RYR3: variants seen among roughly 807,000 people sequenced by gnomAD.
RYR3 encodes ryanodine receptor 3.
In RYR3, 207 loss-of-function variants were observed where a neutral mutation model predicts 584.3. That is an observed-to-expected ratio of 0.35 (90% CI 0.32 to 0.40). The LOEUF is 0.40. Among genes scored for constraint, RYR3 ranks in the 10% least tolerant of loss-of-function variants. The pLI is 1.00. For synonymous variants in RYR3, 2,416 were observed against 2,248.5 expected (o/e 1.07, Z -2.11); for missense variants, 5,616 against 6,089.2 (o/e 0.92, Z 2.59).
At chr15:33,506,842 T>C (rs1471069942) in intron 3 of RYR3, among the ~76,000 whole-genome samples, 1 of 152,188 alleles carries the variant, frequency 6.6e-6, no homozygotes, top group Non-Finnish European at 1.5e-5. Context: ...TGGTATTTAA[T>C]TTGATTTTAG....
chr15:33,329,385 A>C (rs1215396410), intron 1 of RYR3, among the ~76,000 whole-genome samples: 2 of 152,234 alleles, frequency 1.3e-5, no homozygotes, highest in Non-Finnish European at 2.9e-5. Flanking sequence ...CAAAAGATGA[A>C]TATAAAAACT....
intron 47 of RYR3, among the ~76,000 whole-genome samples, chr15:33,730,596 T>C (rs1335771673): frequency 6.6e-6 from 1 of 152,192 alleles, no homozygotes; most frequent in Non-Finnish European, 1.5e-5. Flanking sequence ...ATAAGTTATA[T>C]AAAGTGTGTT....
intron 16 of RYR3, among the ~76,000 whole-genome samples, chr15:33,598,842 A>C (rs1174621811): frequency 1.3e-5 from 2 of 152,106 alleles, no homozygotes; most frequent in African/African-American, 4.8e-5. Flanking sequence ...TCACAAGGTC[A>C]GGAGATCGAG....
chr15:33,628,671 C>A, intron 21 of RYR3, 96 bp downstream of exon 21: 1 of 779,104 alleles, frequency 1.3e-6, no homozygotes. Context: ...ATTGCATTCA[C>A]TAGTTAGGAA....
At chr15:33,578,772 A>G (rs61148822) in intron 12 of RYR3, among the ~76,000 whole-genome samples, 16 of 18,296 alleles carry the variant, frequency 8.7e-4, no homozygotes, top group South Asian at 2.2e-3. Context: ...GAATAAAAAA[A>G]AAAAAACAAC....
intron 1 of RYR3, among the ~76,000 whole-genome samples, chr15:33,441,407 T>C (rs1331293099): frequency 6.6e-6 from 1 of 152,240 alleles, no homozygotes; most frequent in African/African-American, 2.4e-5. Flanking sequence ...TTCTGAGTTC[T>C]TTAAATATAT....
intron 18 of RYR3, among the ~76,000 whole-genome samples, chr15:33,607,901 T>C (rs1475550605): frequency 1.3e-5 from 2 of 152,106 alleles, no homozygotes; most frequent in Non-Finnish European, 2.9e-5. Flanking sequence ...TCAAAACTCA[T>C]AGCAGTCTTA....
chr15:33,565,737 C>T (rs1374246121), intron 11 of RYR3, among the ~76,000 whole-genome samples: 1 of 152,126 alleles, frequency 6.6e-6, no homozygotes, highest in Non-Finnish European at 1.5e-5. Context: ...TTGACTTGAA[C>T]CAGGATCAAA....
At chr15:33,663,132 A>G (rs992076290) in intron 35 of RYR3, among the ~76,000 whole-genome samples, 184 bp downstream of exon 35, 2 of 152,204 alleles carry the variant, frequency 1.3e-5, no homozygotes, top group Non-Finnish European at 2.9e-5. Context: ...TAAGATTGGT[A>G]ATAACAATCC....
rs765344937 is a variant in RYR3, at chr15:33,726,421, C to T, written c.6948C>T (p.Ile2316=). ...CAGGAAAGGGGGAAGCCATCCGCATCAGGTCCATCCTGCGCTCCCTGGTCC... is the reference window on the plus strand; with the variant it reads ...CAGGAAAGGGGGAAGCCATCCGCATTAGGTCCATCCTGCGCTCCCTGGTCC... The part of the protein sequence containing the change: ...IQTGKGEAIR[I]RSILRSLVPT... The change falls in exon 46 of 104, where the codon ATC becomes ATT. Residue 2316 remains isoleucine (I), a synonymous_variant. Transcript: ENST00000634891. 1.6e-5 allele frequency: 25 copies of T among 1,612,698 alleles called. No homozygotes were observed. The highest frequency in any genetic ancestry group is 1.6e-4 in the Middle Eastern group (1 of 6,082).
intron 12 of RYR3, among the ~76,000 whole-genome samples, chr15:33,569,303 G>A (rs1355117631): frequency 1.3e-5 from 2 of 151,970 alleles, no homozygotes; most frequent in South Asian, 2.1e-4. Context: ...AAAACTTATC[G>A]TTTTAGCCAT....
chr15:33,467,786 T>A (rs2048604013), intron 1 of RYR3, among the ~76,000 whole-genome samples: 1 of 152,154 alleles, frequency 6.6e-6, no homozygotes, highest in Non-Finnish European at 1.5e-5. Context: ...TGCAGCAAGT[T>A]TTGGGCTGAT....
At chr15:33,527,607 A>T (rs1324079937) in intron 3 of RYR3, among the ~76,000 whole-genome samples, 3 of 149,772 alleles carry the variant, frequency 2.0e-5, no homozygotes, top group Non-Finnish European at 4.4e-5. Flanking sequence ...AAAAAGGCGT[A>T]TCATATTTCA....
rs1890337526 is a variant in RYR3, at chr15:33,865,831, G to C, written c.*605G>C. 2 of 152,622 alleles carry C rather than the reference G, an allele frequency of 1.3e-5. No individual in the cohort carries two copies. The highest frequency in any genetic ancestry group is 2.9e-5 in the Non-Finnish European group (2 of 68,086). 9.5% of individuals were successfully genotyped at this position (152,622 alleles called of 1,614,324 possible). On this transcript the variant is annotated 3_prime_UTR_variant, in exon 104 of 104. Coordinates refer to ENST00000634891, the MANE Select transcript of RYR3 (RefSeq NM_001036.6). ...GTTTTTTATGTTTGTGTTCCAGAAGGACAGTTCCATTCATTAGTTGTGATC... is the reference window on the plus strand; with the variant it reads ...GTTTTTTATGTTTGTGTTCCAGAAGCACAGTTCCATTCATTAGTTGTGATC...
At chr15:33,817,720 T>C (rs1162284493) in intron 75 of RYR3, among the ~76,000 whole-genome samples, 2 of 152,228 alleles carry the variant, frequency 1.3e-5, no homozygotes, top group East Asian at 3.8e-4. Flanking sequence ...CTTTATGTCT[T>C]TCATTCTTCC....
At chr15:33,500,968 C>T (rs2051928555) in intron 2 of RYR3, among the ~76,000 whole-genome samples, 1 of 152,138 alleles carries the variant, frequency 6.6e-6, no homozygotes, top group African/African-American at 2.4e-5. Flanking sequence ...ACTGCCCACA[C>T]ATTGTTTTGG....
chr15:33,670,305 A>G (rs1010042661), intron 37 of RYR3, 114 bp from the exon 38 acceptor site: 3 of 1,040,198 alleles, frequency 2.9e-6, no homozygotes, highest in Non-Finnish European at 4.4e-6. Flanking sequence ...GAAAGCCTGT[A>G]GTATCTTTAG....
At chr15:33,730,002 G>A (rs1314744401) in intron 47 of RYR3, among the ~76,000 whole-genome samples, 1 of 151,818 alleles carries the variant, frequency 6.6e-6, no homozygotes, top group African/African-American at 2.4e-5. Flanking sequence ...ATGATAAATG[G>A]TATATATGAC....
chr15:33,863,655 A>AAAAC (rs1288130887), intron 102 of RYR3, among the ~76,000 whole-genome samples: 2 of 152,114 alleles, frequency 1.3e-5, no homozygotes, highest in East Asian at 1.9e-4. Flanking sequence ...ATTTATGATG[A>AAAAC]AAACAAAACT....
Sources: gnomAD v4.1 joint callset for allele counts (sites outside exome capture counted in the v4.1 genomes callset) on GRCh38, gnomAD v4.1.1 for gene constraint, MANE v1.5 for transcripts, NCBI Gene and HGNC (gene_info 2026-07-23, HGNC 2026-07-21) for gene names.